The following EFCAB5 variants were observed in gnomAD, a reference collection of about 807,000 sequenced individuals.
EFCAB5 encodes EF-hand calcium-binding domain-containing protein 5.
Under a neutral mutation model 167.9 loss-of-function variants are expected in EFCAB5, and 131 were observed. The ratio of observed to expected loss-of-function variants is 0.78; its 90% confidence interval spans 0.68 to 0.90. EFCAB5 has a LOEUF of 0.90. Among genes scored for constraint, EFCAB5 ranks in the 40% least tolerant of loss-of-function variants. The pLI is 0.00. For synonymous variants in EFCAB5, 574 were observed against 602.8 expected (o/e 0.95, Z 0.70); for missense variants, 1,663 against 1,745.2 (o/e 0.95, Z 0.84).
At chr17:30,072,470 A>G (rs1441701577) in intron 14 of EFCAB5, among the ~76,000 whole-genome samples, 2 of 152,206 alleles carry the variant, frequency 1.3e-5, no homozygotes, top group African/African-American at 4.8e-5. Flanking sequence ...TTTTAAAGAA[A>G]CTGAAAACTG....
At chr17:30,001,378 A>G (rs573706435) in intron 7 of EFCAB5, among the ~76,000 whole-genome samples, 1 of 152,364 alleles carries the variant, frequency 6.6e-6, no homozygotes, top group South Asian at 2.1e-4. Context: ...AGTAATAAAC[A>G]TAACTTACAT....
rs7221743 is a variant in EFCAB5 at position 30,080,858 on chromosome 17, T to G, written c.3303T>G (p.Gly1101=). ...CCCGTAATAAGCATGATTATAATGGTTCATTCCTGGCTCTGCCTCTTCAAG... is the reference window on the plus strand; with the variant it reads ...CCCGTAATAAGCATGATTATAATGGGTCATTCCTGGCTCTGCCTCTTCAAG... The part of the protein sequence containing the change: ...NQSRNKHDYN[G]SFLALPLQDA... Residue 1101 remains glycine, a synonymous_variant, in exon 17 of 23, where the codon GGT becomes GGG. Transcript: ENST00000394835. 0.55 allele frequency: 884,602 copies of G among 1,613,104 alleles called. 249,867 individuals carry two copies. The highest frequency in any genetic ancestry group is 0.88 in the African/African-American group (66,326 of 74,950).
At chr17:30,097,020 A>ATATACATATACG (rs1312663178) in intron 22 of EFCAB5, among the ~76,000 whole-genome samples, 1 of 119,138 alleles carries the variant, frequency 8.4e-6, no homozygotes, top group African/African-American at 4.0e-5. Flanking sequence ...ATACATATAC[A>ATATACATATACG]TATACATATA....
chr17:30,076,504 A>G (rs1161753420), intron 14 of EFCAB5, among the ~76,000 whole-genome samples: 1 of 152,250 alleles, frequency 6.6e-6, no homozygotes, highest in Non-Finnish European at 1.5e-5. Context: ...TAAATGTTCA[A>G]CTACAGAAAT....
intron 3 of EFCAB5, among the ~76,000 whole-genome samples, chr17:29,945,705 C>T (rs1054242564): frequency 2.0e-5 from 3 of 152,104 alleles, no homozygotes; most frequent in Non-Finnish European, 4.4e-5. Flanking sequence ...TACAACCAAA[C>T]TTGACAAAGC....
chr17:30,093,174 ATTAT>A (rs2071233587), intron 22 of EFCAB5, among the ~76,000 whole-genome samples: 1 of 152,246 alleles, frequency 6.6e-6, no homozygotes, highest in Non-Finnish European at 1.5e-5. Flanking sequence ...CTACATGTGC[ATTAT>A]TTATTTTTAA....
chr17:29,962,942 T>C (rs1311909621), intron 3 of EFCAB5, among the ~76,000 whole-genome samples: 2 of 152,072 alleles, frequency 1.3e-5, no homozygotes, highest in Non-Finnish European at 2.9e-5. Context: ...TGTGAACTTT[T>C]TATTTTTATT....
At chr17:29,994,133 A>AATATATATATATATATATATATATAT (rs55875315) in intron 5 of EFCAB5, among the ~76,000 whole-genome samples, 1 of 55,844 alleles carries the variant, frequency 1.8e-5, no homozygotes, top group African/African-American at 5.9e-5. Flanking sequence ...AACAACAACA[A>AATATATATATATATATATATATATAT]ATATATATAT....
chr17:29,991,534 C>T (rs949411948), intron 4 of EFCAB5, among the ~76,000 whole-genome samples: 3 of 152,222 alleles, frequency 2.0e-5, no homozygotes, highest in Admixed American at 6.5e-5. Context: ...AGGAACATGT[C>T]CTTAAGGCAC....
At chr17:29,986,947 G>A (rs1235422333) in intron 4 of EFCAB5, among the ~76,000 whole-genome samples, 5 of 151,990 alleles carry the variant, frequency 3.3e-5, no homozygotes, top group Admixed American at 1.3e-4. Flanking sequence ...GCGCCCGGCC[G>A]AGTATATTCA....
At chr17:29,942,424 A>C in intron 2 of EFCAB5, 122 bp downstream of exon 2, 1 of 855,276 alleles carries the variant, frequency 1.2e-6, no homozygotes, top group Non-Finnish European at 1.7e-6. Flanking sequence ...CAAAAGGAAA[A>C]GGACAAACTC....
At chr17:29,931,045 G>T (rs1283011761) in intron 1 of EFCAB5, among the ~76,000 whole-genome samples, 1 of 152,138 alleles carries the variant, frequency 6.6e-6, no homozygotes, top group East Asian at 1.9e-4. Flanking sequence ...TTAAGGGAAT[G>T]GTTTTCTCAG....
intron 8 of EFCAB5, among the ~76,000 whole-genome samples, chr17:30,049,930 A>G (rs1453406334): frequency 2.0e-5 from 3 of 152,228 alleles, no homozygotes; most frequent in Admixed American, 1.3e-4. Context: ...CCATTGCAGC[A>G]TTACGTTGAT....
Position 30,092,023 on chromosome 17 carries a change from C to A in EFCAB5, c.4090C>A (p.Pro1364Thr). The A allele has an allele frequency of 6.2e-7, 1 of 1,613,948 alleles. No individual in the cohort carries two copies. The highest frequency in any genetic ancestry group is 2.2e-5 in the East Asian group (1 of 44,886). ...TACTCTTGTAACAGAGCCAAATTCT[C>A]CTCAAGACAGCAAATCTATGGAGTT... is the stretch of plus-strand genomic sequence containing the variant. ...DHTLVTEPNS[P>T]QDSKSMELEA... Residue 1364 changes from proline (P) to threonine (T), a missense_variant, in exon 21 of 23, where the codon CCT (proline) becomes ACT (threonine). Pro to Thr is a conservative substitution (Grantham distance 38, BLOSUM62 -1). Coordinates refer to ENST00000394835, the MANE Select transcript of EFCAB5 (RefSeq NM_198529.4).
chr17:30,024,115 C>G (rs1375988849), intron 7 of EFCAB5, among the ~76,000 whole-genome samples: 3 of 152,104 alleles, frequency 2.0e-5, no homozygotes, highest in Admixed American at 6.6e-5. Context: ...CCTCTGAAAA[C>G]TGGCATAAGA....
chr17:29,996,057 C>T (rs770904965), intron 5 of EFCAB5, among the ~76,000 whole-genome samples: 24 of 152,156 alleles, frequency 1.6e-4, no homozygotes, highest in Non-Finnish European at 2.2e-4. Flanking sequence ...AACAAGTTAA[C>T]GACAAGTTTA....
chr17:30,073,419 C>CTA (rs1415283670), intron 14 of EFCAB5, among the ~76,000 whole-genome samples: 1 of 152,144 alleles, frequency 6.6e-6, no homozygotes, highest in Non-Finnish European at 1.5e-5. Flanking sequence ...CAGCAAGTAC[C>CTA]TATATACCCA....
intron 3 of EFCAB5, among the ~76,000 whole-genome samples, chr17:29,950,387 A>T (rs2067484760): frequency 6.7e-6 from 1 of 150,248 alleles, no homozygotes; most frequent in Admixed American, 6.6e-5. Flanking sequence ...TTAAAAAAAT[A>T]CAGATACATG....
rs1190301135 is a variant in EFCAB5 at position 30,090,409 on chromosome 17, T to C, written c.3684-12T>C. The C allele has an allele frequency of 6.2e-7, 1 of 1,608,924 alleles. No homozygotes were observed. The highest frequency in any genetic ancestry group is 1.1e-5 in the South Asian group (1 of 90,288). On this transcript the variant is annotated splice_polypyrimidine_tract_variant and intron_variant, in intron 19 of 22. Transcript: ENST00000394835. ...GTTTAATATCCTTGTGCTTATTTGG[T>C]TTTGATTTCAGAGATTTCCTCTTTA...
Sources: gnomAD v4.1 joint callset for allele counts (sites outside exome capture counted in the v4.1 genomes callset) on GRCh38, gnomAD v4.1.1 for gene constraint, MANE v1.5 for transcripts, NCBI Gene and HGNC (gene_info 2026-07-23, HGNC 2026-07-21) for gene names.